PTPRE: variants seen among roughly 807,000 people sequenced by gnomAD.
The protein encoded by PTPRE is protein tyrosine phosphatase receptor type E.
Under a neutral mutation model 102.0 loss-of-function variants are expected in PTPRE, and 51 were observed. The ratio of observed to expected loss-of-function variants is 0.50; its 90% confidence interval spans 0.40 to 0.63. The LOEUF is 0.63. Ranked by LOEUF, PTPRE falls within the 30% of genes least tolerant of loss-of-function variation. PTPRE has a pLI of 0.00. For missense variants in PTPRE, 752 were observed against 915.1 expected (o/e 0.82, Z 2.30); for synonymous variants, 345 against 348.2 (o/e 0.99, Z 0.10).
At chr10:128,020,984 G>A (rs188351820) in intron 2 of PTPRE, among the ~76,000 whole-genome samples, 133 of 150,710 alleles carry the variant, frequency 8.8e-4, no homozygotes, top group Non-Finnish European at 9.7e-4. Context: ...TGCAAGCTCC[G>A]CCTCCCAGGT....
chr10:128,064,033 C>A (rs191545205), intron 10 of PTPRE, among the ~76,000 whole-genome samples: 1 of 152,210 alleles, frequency 6.6e-6, no homozygotes. Flanking sequence ...CTGCTCAGGG[C>A]CTGCTGTGTC....
At chr10:128,063,221 G>A in intron 10 of PTPRE, 41 bp downstream of exon 10, 1 of 1,609,290 alleles carries the variant, frequency 6.2e-7, no homozygotes, top group Non-Finnish European at 8.5e-7. Context: ...CTTCCTTTCA[G>A]CTGCTGCTGC....
chr10:128,079,609 G>A lies in PTPRE; in HGVS notation c.1942G>A (p.Glu648Lys). ...ATTCATAGCCCTCAGCAACATTTTG[G>A]AGCGAGTAAAAGCCGAGGGACTTTT... is the stretch of plus-strand genomic sequence containing the variant. ...GTFIALSNIL[E>K]RVKAEGLLDV... Residue 648 changes from glutamate to lysine, a missense_variant, in exon 20 of 21, where the codon GAG (glutamate) becomes AAG (lysine). Physicochemically the swap from Glu to Lys is moderately conservative, Grantham distance 56. Transcript: ENST00000254667. 2 of 1,614,184 alleles carry A rather than the reference G, an allele frequency of 1.2e-6. No individual in the cohort carries two copies. The highest frequency in any genetic ancestry group is 1.7e-6 in the Non-Finnish European group (2 of 1,180,036).
chr10:128,061,588 A>C, intron 8 of PTPRE, 91 bp from the exon 9 acceptor site: 1 of 1,466,614 alleles, frequency 6.8e-7, no homozygotes, highest in Non-Finnish European at 9.1e-7. Context: ...TTCCATGGTG[A>C]ATATGTACTG....
At chr10:128,000,151 C>G (rs1853718428) in intron 2 of PTPRE, among the ~76,000 whole-genome samples, 1 of 152,192 alleles carries the variant, frequency 6.6e-6, no homozygotes, top group African/African-American at 2.4e-5. Flanking sequence ...GCTTGAGCCT[C>G]TCTCCCGGTT....
intron 1 of PTPRE, among the ~76,000 whole-genome samples, chr10:127,916,139 G>C (rs992015878): frequency 6.6e-6 from 1 of 152,146 alleles, no homozygotes; most frequent in Non-Finnish European, 1.5e-5. Flanking sequence ...GGCCTCCCCA[G>C]GTAGAGCAGT....
At chr10:128,004,162 C>A (rs1419748541) in intron 2 of PTPRE, among the ~76,000 whole-genome samples, 2 of 151,216 alleles carry the variant, frequency 1.3e-5, no homozygotes, top group African/African-American at 2.4e-5. Context: ...AACGATGATA[C>A]TACCCTTATG....
At chr10:127,910,008 G>A (rs923241190) in intron 1 of PTPRE, among the ~76,000 whole-genome samples, 4 of 152,170 alleles carry the variant, frequency 2.6e-5, no homozygotes, top group African/African-American at 9.7e-5. Flanking sequence ...AGCAGGGAGG[G>A]AACAGGATCG....
intron 6 of PTPRE, among the ~76,000 whole-genome samples, chr10:128,049,895 T>A (rs1353455082): frequency 2.0e-5 from 3 of 152,162 alleles, no homozygotes; most frequent in Non-Finnish European, 2.9e-5. Flanking sequence ...TTGTGAAGCC[T>A]CCTTACACCT....
rs190369847 is a variant in PTPRE, at chr10:128,082,145, G to A, written c.2029-687G>A. 1.3e-4 allele frequency among the ~76,000 whole-genome samples: 19 copies of A among 142,920 alleles called. No homozygotes were observed. In the East Asian group the frequency reaches 3.3e-3, roughly 25 times the overall value. 93.8% of individuals were successfully genotyped at this position (142,920 alleles called of 152,430 possible). On this transcript the variant is annotated intron_variant, in intron 20 of 20. Transcript: ENST00000254667. ...GCATTTTATTTAACTTTTATAGATC[G>A]CTTTATGAAATTTATCTGGCAATGT...
intron 2 of PTPRE, among the ~76,000 whole-genome samples, chr10:128,012,942 T>C (rs1196461105): frequency 6.6e-6 from 1 of 152,194 alleles, no homozygotes; most frequent in East Asian, 1.9e-4. Context: ...AATAAACACA[T>C]TTCTATTACT....
At chr10:127,996,133 G>A (rs1012394258) in intron 2 of PTPRE, among the ~76,000 whole-genome samples, 15 of 152,338 alleles carry the variant, frequency 9.8e-5, no homozygotes, top group African/African-American at 3.4e-4. Context: ...TGGACGTGGA[G>A]TAGTGACTGA....
intron 2 of PTPRE, among the ~76,000 whole-genome samples, chr10:128,027,099 T>C (rs61875260): frequency 0.04 from 6,103 of 152,334 alleles, 174 homozygotes; most frequent in Middle Eastern, 0.088. Context: ...GCAGGACTTA[T>C]AGTAGTCCCT....
At chr10:127,955,193 C>A (rs183361197) in intron 1 of PTPRE, among the ~76,000 whole-genome samples, 1 of 152,220 alleles carries the variant, frequency 6.6e-6, no homozygotes, top group East Asian at 1.9e-4. Context: ...CTAGGCAGGA[C>A]AAGTAATAGC....
chr10:128,073,442 A>G lies in PTPRE; in HGVS notation c.1570A>G (p.Met524Val). 2 of 1,614,166 alleles carry G rather than the reference A, an allele frequency of 1.2e-6. No homozygotes were observed. The highest frequency in any genetic ancestry group is 1.7e-6 in the Non-Finnish European group (2 of 1,180,012). ...GGAATGGAAATCCCACACTATCGTG[A>G]TGCTGACGGAGGTGCAGGAGAGAGA... The part of the protein sequence containing the change: ...IWEWKSHTIV[M>V]LTEVQEREQD... Residue 524 changes from methionine to valine, a missense_variant, in exon 17 of 21, where the codon ATG (methionine) becomes GTG (valine). Met to Val is a conservative substitution (Grantham distance 21). This residue lies in a region of PTPRE where 636 missense variants were observed against 824.4 expected (regional missense o/e 0.77). Transcript: ENST00000254667.
At chr10:127,958,425 G>A (rs189777691) in intron 1 of PTPRE, among the ~76,000 whole-genome samples, 2 of 152,044 alleles carry the variant, frequency 1.3e-5, no homozygotes, top group South Asian at 2.1e-4. Flanking sequence ...ATTTTGTCAC[G>A]TGCTTTTTTT....
At chr10:128,082,607 A>G (rs1274827922) in intron 20 of PTPRE, among the ~76,000 whole-genome samples, 1 of 152,046 alleles carries the variant, frequency 6.6e-6, no homozygotes, top group Non-Finnish European at 1.5e-5. Context: ...CATTAAATAC[A>G]CTAAGTTGAA....
At chr10:127,961,708 G>C (rs1849829795) in intron 1 of PTPRE, among the ~76,000 whole-genome samples, 1 of 152,170 alleles carries the variant, frequency 6.6e-6, no homozygotes. Context: ...CGTCTTGTCT[G>C]TCCCTTCCTA....
Position 128,049,652 on chromosome 10 carries a change from C to A in PTPRE, c.406C>A (p.Arg136=). The part of the protein sequence containing the change: ...IRSADDCKQF[R]EEFNSLPSGH... ...ATCCGCCGACGACTGCAAGCAGTTTCGGGAGGAGTTCAACGTGAGTGTGGG... is the reference window on the plus strand; with the variant it reads ...ATCCGCCGACGACTGCAAGCAGTTTAGGGAGGAGTTCAACGTGAGTGTGGG... The change falls in exon 6 of 21, where the codon CGG becomes AGG. Residue 136 remains arginine (R), a synonymous_variant. Transcript: ENST00000254667. The A allele has an allele frequency of 1.2e-6, 2 of 1,613,796 alleles. No homozygotes were observed. Among genetic ancestry groups the A allele is most frequent in the Non-Finnish European group, 1.7e-6 (2 of 1,179,994 alleles).
Sources: gnomAD v4.1 joint callset for allele counts (sites outside exome capture counted in the v4.1 genomes callset) on GRCh38, gnomAD v4.1.1 for gene constraint, gnomAD v4.1.1 regional missense constraint, MANE v1.5 for transcripts, NCBI Gene and HGNC (gene_info 2026-07-23, HGNC 2026-07-21) for gene names.